Variants in G2E3 observed in about 807,000 individuals in gnomAD.
The protein encoded by G2E3 is G2/M phase-specific E3 ubiquitin-protein ligase.
G2E3 carries 35 observed loss-of-function variants against 92.8 expected under a neutral mutation model. The observed-to-expected ratio is 0.38, with a 90% CI of 0.29 to 0.50. The LOEUF (loss-of-function observed/expected upper bound fraction) is 0.50, where lower values mean the gene tolerates loss of function less well. G2E3 is among the 20% of genes least tolerant of loss of function. The pLI is 0.94. For synonymous variants in G2E3, 242 were observed against 272.4 expected (o/e 0.89, Z 1.10); for missense variants, 554 against 823.8 (o/e 0.67, Z 4.01).
intron 1 of G2E3, among the ~76,000 whole-genome samples, chr14:30,565,569 T>G (rs1879376917): frequency 6.6e-6 from 1 of 151,972 alleles, no homozygotes; most frequent in East Asian, 1.9e-4. Context: ...AGATTTATAG[T>G]TCTGTCTTTT....
At position 30,615,489 on chromosome 14, in the gene G2E3, C is replaced by A. The variant is rs1882271274; in HGVS notation, c.1814C>A (p.Pro605His). 6.2e-7 allele frequency: 1 copy of A among 1,607,554 alleles called. No homozygotes were observed. The highest frequency in any genetic ancestry group is 1.1e-5 in the South Asian group (1 of 90,020). Residue 605 changes from proline (P) to histidine (H), a missense_variant, in exon 14 of 15, where the codon CCT becomes CAT. Pro to His is a moderately conservative substitution (Grantham distance 77). Transcript: ENST00000206595. ...LSELFTVHTL[P>H]DVKALGFWNS... ...GAGCTTTTTACAGTACACACATTACCTGATGTGAAAGCTTTGGGGTTTTGG... is the reference window on the plus strand; with the variant it reads ...GAGCTTTTTACAGTACACACATTACATGATGTGAAAGCTTTGGGGTTTTGG...
intron 1 of G2E3, among the ~76,000 whole-genome samples, chr14:30,569,646 T>C (rs1879640388): frequency 6.6e-6 from 1 of 152,126 alleles, no homozygotes; most frequent in African/African-American, 2.4e-5. Context: ...GTACTTTGGA[T>C]TGGGCTGGTT....
chr14:30,574,800 C>T (rs996428374), intron 1 of G2E3, among the ~76,000 whole-genome samples: 20 of 152,034 alleles, frequency 1.3e-4, no homozygotes, highest in Admixed American at 6.6e-5. Flanking sequence ...GTATTTGTAC[C>T]CTATTTTCTT....
intron 8 of G2E3, among the ~76,000 whole-genome samples, chr14:30,598,982 AAAAT>A (rs1402186580): frequency 1.3e-5 from 2 of 152,180 alleles, no homozygotes. Flanking sequence ...TGGGTGGCTT[AAAAT>A]AAATTTATTT....
intron 2 of G2E3, among the ~76,000 whole-genome samples, chr14:30,583,692 G>A (rs1318610052): frequency 1.3e-5 from 2 of 152,168 alleles, no homozygotes; most frequent in Admixed American, 6.5e-5. Flanking sequence ...GTGAAGTAAT[G>A]CATATGATAA....
At chr14:30,591,724 C>T (rs1420536026) in intron 4 of G2E3, among the ~76,000 whole-genome samples, 2 of 152,130 alleles carry the variant, frequency 1.3e-5, no homozygotes, top group African/African-American at 4.8e-5. Flanking sequence ...AAGGACTACC[C>T]TAAATCCAGG....
At chr14:30,594,975 A>C (rs1002806412) in intron 6 of G2E3, among the ~76,000 whole-genome samples, 3 of 141,140 alleles carry the variant, frequency 2.1e-5, no homozygotes, top group African/African-American at 5.2e-5. Context: ...CTAAAAATAC[A>C]AAAAAAAAAA....
At chr14:30,601,193 A>G (rs1881551233) in intron 8 of G2E3, among the ~76,000 whole-genome samples, 1 of 152,204 alleles carries the variant, frequency 6.6e-6, no homozygotes, top group African/African-American at 2.4e-5. Flanking sequence ...GGAGCCCTAC[A>G]CTACAGCCCA....
At position 30,617,575 on chromosome 14, in the gene G2E3, A is replaced by G. The variant is rs1316894262; in HGVS notation, c.*1041A>G. ...GTTGACGCCATAGCATTATACAGTT[A>G]TCTTCATTGCTCTTGAATGATATCT... On this transcript the variant is annotated 3_prime_UTR_variant, in exon 15 of 15. Transcript: ENST00000206595. 5.9e-5 allele frequency: 9 copies of G among 152,088 alleles called. No individual in the cohort carries two copies. The highest frequency in any genetic ancestry group is 1.9e-4 in the East Asian group (1 of 5,194). The allele number at this position is 152,088 out of a possible 1,614,324, so 9.4% of individuals were successfully genotyped here. A position where few individuals can be genotyped will look rare whatever the true frequency, so the allele number is the denominator to read the frequency against.
At chr14:30,583,664 A>G (rs1880550561) in intron 2 of G2E3, among the ~76,000 whole-genome samples, 1 of 152,138 alleles carries the variant, frequency 6.6e-6, no homozygotes, top group Non-Finnish European at 1.5e-5. Context: ...AAGTATTCTC[A>G]CCACAAGTGG....
chr14:30,566,562 G>A (rs888592835), intron 1 of G2E3, among the ~76,000 whole-genome samples: 4 of 152,186 alleles, frequency 2.6e-5, no homozygotes, highest in Non-Finnish European at 5.9e-5. Flanking sequence ...AAATACAACT[G>A]ATATTTGTGT....
intron 1 of G2E3, among the ~76,000 whole-genome samples, chr14:30,566,816 T>C (rs1879465865): frequency 6.6e-6 from 1 of 152,230 alleles, no homozygotes; most frequent in Non-Finnish European, 1.5e-5. Context: ...CTGATAATTA[T>C]GTTAATTACA....
chr14:30,597,344 C>A, intron 6 of G2E3, 76 bp from the exon 7 acceptor site: 1 of 783,200 alleles, frequency 1.3e-6, no homozygotes, highest in Non-Finnish European at 2.2e-6. Flanking sequence ...AAAAATAGCA[C>A]ATGTTCTGTT....
At chr14:30,566,548 A>G (rs761748144) in intron 1 of G2E3, among the ~76,000 whole-genome samples, 3 of 152,228 alleles carry the variant, frequency 2.0e-5, no homozygotes, top group Non-Finnish European at 4.4e-5. Flanking sequence ...TCATTGTTAT[A>G]TAGAAATACA....
At chr14:30,604,600 C>CTGCTGG (rs2138890999) in intron 10 of G2E3, among the ~76,000 whole-genome samples, 1 of 152,252 alleles carries the variant, frequency 6.6e-6, no homozygotes, top group East Asian at 1.9e-4. Context: ...GCTGCTGCTG[C>CTGCTGG]TGCTGGTCTG....
At chr14:30,604,582 A>T (rs1881735717) in intron 10 of G2E3, among the ~76,000 whole-genome samples, 1 of 151,562 alleles carries the variant, frequency 6.6e-6, no homozygotes, top group Non-Finnish European at 1.5e-5. Flanking sequence ...TTCTGGGGTA[A>T]TGCTGCTGCT....
At chr14:30,579,422 G>A (rs1329730569) in intron 1 of G2E3, among the ~76,000 whole-genome samples, 1 of 152,238 alleles carries the variant, frequency 6.6e-6, no homozygotes, top group Non-Finnish European at 1.5e-5. Flanking sequence ...GACTTTTTAG[G>A]AAAGCACAGA....
chr14:30,594,357 G>T (rs1029519252), intron 6 of G2E3, among the ~76,000 whole-genome samples: 1 of 152,092 alleles, frequency 6.6e-6, no homozygotes, highest in African/African-American at 2.4e-5. Flanking sequence ...AAAATGAAAG[G>T]TTATTATTAC....
intron 6 of G2E3, among the ~76,000 whole-genome samples, chr14:30,596,286 A>G (rs1281230561): frequency 1.3e-5 from 2 of 151,820 alleles, no homozygotes; most frequent in Non-Finnish European, 2.9e-5. Context: ...TTTTATTGTA[A>G]TCCTACTCTC....
Sources: gnomAD v4.1 joint callset for allele counts (sites outside exome capture counted in the v4.1 genomes callset) on GRCh38, gnomAD v4.1.1 for gene constraint, MANE v1.5 for transcripts, NCBI Gene and HGNC (gene_info 2026-07-23, HGNC 2026-07-21) for gene names.